COL28A1: variants seen among roughly 807,000 people sequenced by gnomAD.
COL28A1 encodes collagen type XXVIII alpha 1 chain.
A neutral mutation model predicts 150.2 loss-of-function variants in COL28A1; 161 were observed. The observed-to-expected ratio is 1.07, with a 90% CI of 0.94 to 1.22. COL28A1 has a LOEUF of 1.22. COL28A1 is among the 50% of genes most tolerant of loss of function. COL28A1 has a pLI of 0.00. For synonymous variants in COL28A1, 552 were observed against 469.7 expected (o/e 1.18, Z -2.26); for missense variants, 1,617 against 1,388.3 (o/e 1.16, Z -2.62).
chr7:7,416,336 T>A (rs368129613), intron 27 of COL28A1, among the ~76,000 whole-genome samples: 1 of 152,182 alleles, frequency 6.6e-6, no homozygotes, highest in Admixed American at 6.5e-5. Flanking sequence ...AGATAAGTTA[T>A]AGTCGGTAAG....
chr7:7,469,574 A>G (rs1583446757), intron 15 of COL28A1, among the ~76,000 whole-genome samples: 1 of 94,522 alleles, frequency 1.1e-5, no homozygotes, highest in African/African-American at 4.4e-5. Context: ...CCATCAAGCT[A>G]CCAATGACTT....
intron 13 of COL28A1, among the ~76,000 whole-genome samples, chr7:7,478,841 G>A (rs527905929): frequency 2.9e-4 from 44 of 152,354 alleles, no homozygotes; most frequent in African/African-American, 9.4e-4. Flanking sequence ...CTCCAAGTGC[G>A]GGGCCCGCCA....
rs193136421 is a variant in COL28A1, at chr7:7,432,743, G to C, written c.1861-43C>G. Reference sequence around the variant, plus strand: ...TCAGTGATATCATGAGACTCAACTAGAAAACACCTGGTCAAACTTAAGCAT... The same window carrying C: ...TCAGTGATATCATGAGACTCAACTACAAAACACCTGGTCAAACTTAAGCAT... On this transcript the variant is annotated intron_variant, in intron 23 of 34. Coordinates refer to ENST00000399429, the MANE Select transcript of COL28A1 (RefSeq NM_001037763.3). The C allele has an allele frequency of 6.3e-5, 94 of 1,481,800 alleles. No individual in the cohort carries two copies. In the African/African-American group the frequency reaches 1.1e-3, roughly 17 times the overall value. 91.8% of individuals were successfully genotyped at this position (1,481,800 alleles called of 1,614,324 possible).
chr7:7,437,305 C>T, intron 22 of COL28A1, 89 bp downstream of exon 22: 1 of 1,489,438 alleles, frequency 6.7e-7, no homozygotes, highest in South Asian at 1.4e-5. Flanking sequence ...TCTTCCAAAA[C>T]TAAAATTCTA....
At chr7:7,497,057 GGGAAGAA>G (rs1562833895) in intron 11 of COL28A1, among the ~76,000 whole-genome samples, 2 of 147,824 alleles carry the variant, frequency 1.4e-5, no homozygotes, top group Non-Finnish European at 3.0e-5. Context: ...GAGGGAGGGA[GGGAAGAA>G]GGAAGAAAGG....
intron 7 of COL28A1, among the ~76,000 whole-genome samples, 198 bp downstream of exon 7, chr7:7,517,598 C>A (rs1352934937): frequency 6.6e-6 from 1 of 152,166 alleles, no homozygotes; most frequent in Non-Finnish European, 1.5e-5. Flanking sequence ...CTCCCATTTT[C>A]ACTCTGTTAG....
upstream of COL28A1, among the ~76,000 whole-genome samples, chr7:7,537,126 A>G (rs533764043): frequency 6.6e-6 from 1 of 152,246 alleles, no homozygotes; most frequent in Non-Finnish European, 1.5e-5. Flanking sequence ...TAAAAACAAG[A>G]TAACTGCTTA....
intron 15 of COL28A1, among the ~76,000 whole-genome samples, chr7:7,459,626 T>C (rs1334331092): frequency 6.6e-6 from 1 of 152,240 alleles, no homozygotes; most frequent in Non-Finnish European, 1.5e-5. Flanking sequence ...ATGCTCTTTA[T>C]GGCTGTATCA....
chr7:7,382,808 G>A (rs570935359), intron 27 of COL28A1, among the ~76,000 whole-genome samples: 27 of 152,208 alleles, frequency 1.8e-4, no homozygotes, highest in Admixed American at 5.9e-4. Context: ...AATCACAGGT[G>A]AAGGTAAAGG....
chr7:7,502,822 C>T lies in COL28A1; in HGVS notation c.1026+3192G>A, dbSNP rs1187718521. 3.2e-5 allele frequency among the ~76,000 whole-genome samples: 3 copies of T among 94,354 alleles called. 1 individual carries two copies. The highest frequency in any genetic ancestry group is 2.8e-4 in the East Asian group (1 of 3,554). The allele number at this position is 94,354 out of a possible 152,430, so 61.9% of individuals were successfully genotyped here. A position where few individuals can be genotyped will look rare whatever the true frequency, so the allele number is the denominator to read the frequency against. On this transcript the variant is annotated intron_variant, in intron 11 of 34. Transcript: ENST00000399429. ...ACGCCATTCTCCTGCCTCAGCCTCC[C>T]GAGTAGCTGGGACTACAGGCGCCCG...
chr7:7,508,557 G>A (rs1038513024), intron 9 of COL28A1, among the ~76,000 whole-genome samples: 1 of 152,216 alleles, frequency 6.6e-6, no homozygotes, highest in Non-Finnish European at 1.5e-5. Context: ...CACTACCCGA[G>A]TATGAGAGAG....
intron 9 of COL28A1, among the ~76,000 whole-genome samples, chr7:7,510,714 C>G (rs549036022): frequency 2.0e-5 from 3 of 152,316 alleles, no homozygotes; most frequent in South Asian, 2.1e-4. Flanking sequence ...TTTCAGAGTT[C>G]TTCACACTAT....
At chr7:7,410,483 A>G (rs1783721592) in intron 27 of COL28A1, among the ~76,000 whole-genome samples, 1 of 152,186 alleles carries the variant, frequency 6.6e-6, no homozygotes, top group African/African-American at 2.4e-5. Flanking sequence ...ACAATAAGAG[A>G]TAAGTCACAG....
At chr7:7,475,346 A>G (rs1293248612) in intron 14 of COL28A1, among the ~76,000 whole-genome samples, 1 of 152,236 alleles carries the variant, frequency 6.6e-6, no homozygotes, top group Non-Finnish European at 1.5e-5. Flanking sequence ...AACATTTACA[A>G]ATTAGCCCCA....
chr7:7,404,172 T>C (rs1044360923), intron 27 of COL28A1, among the ~76,000 whole-genome samples: 7 of 151,956 alleles, frequency 4.6e-5, no homozygotes, highest in African/African-American at 1.7e-4. Context: ...AGAACATGGT[T>C]CAGAAATCAG....
At chr7:7,519,111 G>C (rs1781571367) in intron 6 of COL28A1, among the ~76,000 whole-genome samples, 1 of 152,210 alleles carries the variant, frequency 6.6e-6, no homozygotes. Flanking sequence ...ATAAAGCAAA[G>C]AGGTTTAATG....
chr7:7,457,596 A>C (rs1787269127), intron 15 of COL28A1, among the ~76,000 whole-genome samples: 1 of 152,170 alleles, frequency 6.6e-6, no homozygotes, highest in Non-Finnish European at 1.5e-5. Context: ...TATATAAATG[A>C]TATTAAAGGC....
chr7:7,540,601 G>A (rs1782767141), upstream of COL28A1, among the ~76,000 whole-genome samples: 1 of 152,166 alleles, frequency 6.6e-6, no homozygotes. Flanking sequence ...ATCTCTAAAT[G>A]CCCTAGAAAA....
chr7:7,353,157 C>T (rs1219942414), downstream of COL28A1, among the ~76,000 whole-genome samples: 1 of 152,170 alleles, frequency 6.6e-6, no homozygotes, highest in Non-Finnish European at 1.5e-5. Context: ...CAAGGACATG[C>T]CAGTTGTAAC....
Sources: allele counts gnomAD v4.1 joint callset (sites outside exome capture counted in the v4.1 genomes callset), GRCh38; gene constraint gnomAD v4.1.1; transcripts MANE v1.5; gene names NCBI Gene and HGNC (gene_info 2026-07-23, HGNC 2026-07-21).